Variants in PCDHGA6 observed in about 807,000 individuals in gnomAD.
The protein encoded by PCDHGA6 is protocadherin gamma subfamily A, 6.
In PCDHGA6, 41 loss-of-function variants were observed where a neutral mutation model predicts 60.6. The ratio of observed to expected loss-of-function variants is 0.68; its 90% CI spans 0.53 to 0.88. The LOEUF (loss-of-function observed/expected upper bound fraction) is 0.88. Ranked by LOEUF, PCDHGA6 falls within the 40% of genes least tolerant of loss-of-function variation. The pLI is 0.00. For missense variants in PCDHGA6, 1,312 were observed against 1,203.0 expected, an observed-to-expected ratio of 1.09 and a Z score of -1.34; for synonymous variants, 594 against 524.4, an observed-to-expected ratio of 1.13 and a Z score of -1.81.
chr5:141,475,984 G>C (rs1282216343), intron 1 of PCDHGA6: 1 of 1,069,308 alleles, frequency 9.4e-7, no homozygotes, highest in Non-Finnish European at 1.3e-6. Flanking sequence ...AACAGCCGGC[G>C]AGCAAATCAA....
At chr5:141,436,752 A>G (rs2097844842) in intron 1 of PCDHGA6, among the ~76,000 whole-genome samples, 2 of 152,194 alleles carry the variant, frequency 1.3e-5, no homozygotes, top group South Asian at 4.1e-4. Context: ...GCTTCTCCAT[A>G]TGGTATAATG....
chr5:141,477,002 G>A lies in PCDHGA6; in HGVS notation c.2425-17805G>A, dbSNP rs770390597. On this transcript the variant is annotated intron_variant, in intron 1 of 3. Coordinates refer to ENST00000517434, the MANE Select transcript of PCDHGA6 (RefSeq NM_018919.3). The surrounding 1 kb of genome is among the most constrained non-coding windows in gnomAD (Gnocchi z 4.9). ...CCGCGCCGGCGTGCGGCAACTATTC[G>A]CCTTAGACCTTGTAACCGGGATGCT... 6.2e-7 allele frequency: 1 copy of A among 1,614,102 alleles called. No homozygotes were observed. The highest frequency in any genetic ancestry group is 1.3e-5 in the African/African-American group (1 of 74,952).
chr5:141,439,830 C>T (rs2098134193), intron 1 of PCDHGA6: 1 of 152,352 alleles, frequency 6.6e-6, no homozygotes, highest in South Asian at 2.1e-4. Context: ...GCTGGAGCAG[C>T]AGCAACTCTA....
Position 141,491,103 on chromosome 5 carries a change from G to C in PCDHGA6, c.2425-3704G>C. 1 of 1,614,162 alleles carries C rather than the reference G, an allele frequency of 6.2e-7. No individual in the cohort carries two copies. Among genetic ancestry groups the C allele is most frequent in the South Asian group, 1.1e-5 (1 of 91,082 alleles). On this transcript the variant is annotated intron_variant, in intron 1 of 3. Transcript: ENST00000517434. The surrounding 1 kb of genome is among the most constrained non-coding windows in gnomAD (Gnocchi z 6.9). ...CCACAGCCCCAGGACTGTTCCTCGT[G>C]TCTACACACACTGGTGAGGTGCGCA... is the stretch of plus-strand genomic sequence containing the variant.
rs748115530 is a variant in PCDHGA6 at position 141,489,429 on chromosome 5, G to C, written c.2425-5378G>C. 5 of 1,614,022 alleles carry C rather than the reference G, an allele frequency of 3.1e-6. No individual in the cohort carries two copies. The East Asian group carries it at 8.9e-5, about 29-fold the overall frequency. ...AGATGACAGATCTGTTGAGCCGGCG[G>C]CTGCAATTGGGCTCTGAGGAGAATG... On this transcript the variant is annotated intron_variant, in intron 1 of 3. Transcript: ENST00000517434. The surrounding 1 kb of genome is among the most constrained non-coding windows in gnomAD (Gnocchi z 4.5).
intron 1 of PCDHGA6, chr5:141,419,209 G>C: frequency 6.2e-7 from 1 of 1,613,900 alleles, no homozygotes; most frequent in Admixed American, 1.7e-5. Context: ...ACAACGCGCC[G>C]GTTTTCGGAC....
chr5:141,438,901 G>A (rs1039951275), intron 1 of PCDHGA6, among the ~76,000 whole-genome samples: 2 of 151,746 alleles, frequency 1.3e-5, no homozygotes, highest in African/African-American at 2.4e-5. Flanking sequence ...CCTGACCTCA[G>A]GTGATCCACC....
intron 1 of PCDHGA6, chr5:141,478,899 T>A (rs905349011): frequency 9.7e-7 from 1 of 1,027,124 alleles, no homozygotes; most frequent in African/African-American, 1.6e-5. Context: ...ACATTAGGAA[T>A]AAGCTGCTGG....
intron 1 of PCDHGA6, chr5:141,395,935 A>T (rs950567838): frequency 6.6e-6 from 1 of 152,118 alleles, no homozygotes; most frequent in Non-Finnish European, 1.5e-5. Context: ...TAGAATGTCC[A>T]TTGCTCCCCC....
chr5:141,388,511 C>G, intron 1 of PCDHGA6: 1 of 1,613,868 alleles, frequency 6.2e-7, no homozygotes, highest in Non-Finnish European at 8.5e-7. Context: ...AATCCTACCA[C>G]TTGACTTTGA....
Position 141,489,712 on chromosome 5 carries a change from C to T in PCDHGA6, c.2425-5095C>T. On this transcript the variant is annotated intron_variant, in intron 1 of 3. Coordinates refer to ENST00000517434, the MANE Select transcript of PCDHGA6 (RefSeq NM_018919.3). The surrounding 1 kb of genome is among the most constrained non-coding windows in gnomAD (Gnocchi z 4.5). The stretch of plus-strand genomic sequence containing the variant: ...GGCACGATTCCCACTGGACAGTGCC[C>T]AGGATCCGGATGTGGGCACCAATAC... The T allele has an allele frequency of 6.2e-7, 1 of 1,614,162 alleles. No individual in the cohort carries two copies. The highest frequency in any genetic ancestry group is 1.1e-5 in the South Asian group (1 of 91,078).
At chr5:141,483,840 T>C (rs996866862) in intron 1 of PCDHGA6, among the ~76,000 whole-genome samples, 2 of 152,172 alleles carry the variant, frequency 1.3e-5, no homozygotes, top group South Asian at 2.1e-4. Context: ...AAGGACTTGG[T>C]TGAATTAAGA....
At chr5:141,455,020 G>A (rs201196115) in intron 1 of PCDHGA6, among the ~76,000 whole-genome samples, 1 of 151,166 alleles carries the variant, frequency 6.6e-6, no homozygotes, top group African/African-American at 2.4e-5. Context: ...CACCGTGTTA[G>A]CCAGGATGGT....
intron 2 of PCDHGA6, among the ~76,000 whole-genome samples, chr5:141,500,416 A>G: frequency 6.6e-6 from 1 of 151,634 alleles, no homozygotes; most frequent in East Asian, 2.0e-4. Flanking sequence ...TCACCGTGTT[A>G]GCCAGGATGG....
chr5:141,463,910 A>G (rs2099071862), intron 1 of PCDHGA6, among the ~76,000 whole-genome samples: 1 of 152,178 alleles, frequency 6.6e-6, no homozygotes, highest in Admixed American at 6.5e-5. Flanking sequence ...CTAATAATAT[A>G]TCCTGGAAAT....
At chr5:141,387,706 C>T in intron 1 of PCDHGA6, 1 of 992,322 alleles carries the variant, frequency 1.0e-6, no homozygotes. Flanking sequence ...CCAGGGCAGC[C>T]CCAGCTCAGA....
chr5:141,425,528 C>CA (rs890632943), intron 1 of PCDHGA6, among the ~76,000 whole-genome samples: 1 of 152,200 alleles, frequency 6.6e-6, no homozygotes, highest in African/African-American at 2.4e-5. Context: ...AAACATGAAA[C>CA]AATAATCCTT....
At chr5:141,403,804 T>G (rs2094456767) in intron 1 of PCDHGA6, 1 of 1,613,764 alleles carries the variant, frequency 6.2e-7, no homozygotes, top group Non-Finnish European at 8.5e-7. Context: ...TCTGGAAAAT[T>G]AATGAAAAAC....
intron 1 of PCDHGA6, chr5:141,412,017 A>C (rs914087284): frequency 1.4e-5 from 2 of 146,532 alleles, no homozygotes; most frequent in African/African-American, 5.3e-5. Context: ...ACTTCTGAAC[A>C]TCCTGTTCTC....
Sources: allele counts gnomAD v4.1 joint callset (sites outside exome capture counted in the v4.1 genomes callset), GRCh38; gene constraint gnomAD v4.1.1; non-coding constraint Gnocchi (gnomAD v3.1); transcripts MANE v1.5; gene names NCBI Gene and HGNC (gene_info 2026-07-23, HGNC 2026-07-21).